The following PSMA3 variants were observed in gnomAD, a reference collection of about 807,000 sequenced individuals.
The protein encoded by PSMA3 is proteasome subunit alpha type-3.
In PSMA3, 8 loss-of-function variants were observed where a neutral mutation model predicts 40.0. The ratio of observed to expected loss-of-function variants is 0.20; its 90% CI spans 0.12 to 0.36. The LOEUF (loss-of-function observed/expected upper bound fraction) is 0.36, where lower values mean the gene tolerates loss of function less well. Ranked by LOEUF, PSMA3 falls within the 10% of genes least tolerant of loss-of-function variation. PSMA3 has a pLI of 1.00. For missense variants in PSMA3, 219 were observed against 310.6 expected, an observed-to-expected ratio of 0.70 and a Z score of 2.22; for synonymous variants, 110 against 100.0, an observed-to-expected ratio of 1.10 and a Z score of -0.59.
intron 2 of PSMA3, among the ~76,000 whole-genome samples, chr14:58,250,220 C>A (rs868846712): frequency 7.1e-4 from 66 of 92,980 alleles, no homozygotes; most frequent in Admixed American, 1.3e-3. Flanking sequence ...ACTCCATCTC[C>A]AAAAAAAAAA....
intron 3 of PSMA3, among the ~76,000 whole-genome samples, chr14:58,254,094 C>G (rs11624224): frequency 0.039 from 5,914 of 151,390 alleles, 158 homozygotes; most frequent in Non-Finnish European, 0.062. Flanking sequence ...TCTGTTGTTC[C>G]TGTCTTTGTA....
chr14:58,256,828 A>T (rs9743908), intron 3 of PSMA3, among the ~76,000 whole-genome samples: 110,292 of 151,850 alleles, frequency 0.73, 40,614 homozygotes, highest in Middle Eastern at 0.87. Flanking sequence ...AGAGAAAAGA[A>T]CAAATTTGGG....
At chr14:58,245,123 A>G (rs1889850373) in intron 1 of PSMA3, 182 bp downstream of exon 1, 1 of 697,274 alleles carries the variant, frequency 1.4e-6, no homozygotes, top group Non-Finnish European at 2.5e-6. Flanking sequence ...CCTGCGTCTC[A>G]GGTGACCGTG....
chr14:58,262,986 T>C (rs1222998837), intron 6 of PSMA3, among the ~76,000 whole-genome samples: 2 of 89,854 alleles, frequency 2.2e-5, no homozygotes, highest in Admixed American at 2.0e-4. Context: ...GTGTACATCC[T>C]TTTTTTTTTT....
intron 3 of PSMA3, among the ~76,000 whole-genome samples, chr14:58,253,461 AC>A (rs547361420): frequency 7.4e-4 from 112 of 152,366 alleles, no homozygotes; most frequent in African/African-American, 2.5e-3. Context: ...TTAATGTTAC[AC>A]ACAAACACAA....
chr14:58,268,601 AG>A (rs1890514125), intron 8 of PSMA3: 3 of 152,198 alleles, frequency 2.0e-5, no homozygotes, highest in Admixed American at 6.5e-5. Context: ...CTGCTAAGAA[AG>A]GAAGTCAGAT....
chr14:58,258,110 A>G, intron 5 of PSMA3, 112 bp downstream of exon 5: 1 of 793,334 alleles, frequency 1.3e-6, no homozygotes, highest in Non-Finnish European at 2.1e-6. Flanking sequence ...GTCGATAAGT[A>G]TTAGGGCAAT....
intron 3 of PSMA3, among the ~76,000 whole-genome samples, chr14:58,255,640 A>C (rs764977747): frequency 1.4e-4 from 22 of 152,136 alleles, no homozygotes; most frequent in Non-Finnish European, 4.4e-5. Flanking sequence ...GTGGTGGCGC[A>C]TGCCTGTACT....
intron 7 of PSMA3, 33 bp from the exon 8 acceptor site, chr14:58,267,441 T>G (rs1249298636): frequency 6.7e-7 from 1 of 1,482,724 alleles, no homozygotes; most frequent in Non-Finnish European, 8.9e-7. Context: ...AAAATGTTCT[T>G]CTGATGAACA....
chr14:58,245,082 G>A (rs1048702443), intron 1 of PSMA3, 141 bp downstream of exon 1: 3 of 1,091,424 alleles, frequency 2.7e-6, no homozygotes, highest in East Asian at 4.8e-5. Flanking sequence ...GCTGTTTGGA[G>A]ACCGGTCGTC....
chr14:58,268,640 TCATGATA>T (rs1240968626), intron 8 of PSMA3: 1 of 152,236 alleles, frequency 6.6e-6, no homozygotes, highest in East Asian at 1.9e-4. Context: ...TAGTATGTTA[TCATGATA>T]TACTCTGTTT....
At chr14:58,252,797 G>C (rs999972794) in intron 3 of PSMA3, among the ~76,000 whole-genome samples, 22 of 145,566 alleles carry the variant, frequency 1.5e-4, no homozygotes, top group Middle Eastern at 3.5e-3. Context: ...GGCAGACTTG[G>C]CTTAGTGAGA....
rs1406019603 is a variant in PSMA3 at position 58,271,922 on chromosome 14, T to C, written c.*27T>C. 6.0e-6 allele frequency: 9 copies of C among 1,508,774 alleles called. No homozygotes were observed. The highest frequency in any genetic ancestry group is 8.3e-6 in the Non-Finnish European group (9 of 1,086,146). 93.5% of individuals were successfully genotyped at this position (1,508,774 alleles called of 1,614,324 possible). A position where few individuals can be genotyped will look rare whatever the true frequency, so the allele number is the denominator to read the frequency against. On this transcript the variant is annotated 3_prime_UTR_variant, in exon 11 of 11. Coordinates refer to ENST00000216455, the MANE Select transcript of PSMA3 (RefSeq NM_002788.4). The stretch of plus-strand genomic sequence containing the variant: ...ATTTACTCCAGCATCTATTGTATTT[T>C]AAATTTCTACTCCAGTCCAATGTAA...
intron 8 of PSMA3, 138 bp from the exon 9 acceptor site, chr14:58,270,280 C>T (rs1224284237): frequency 8.2e-7 from 1 of 1,213,134 alleles, no homozygotes; most frequent in East Asian, 2.5e-5. Context: ...ATGTTAAATA[C>T]TATGTAGAAT....
chr14:58,270,299 G>T, intron 8 of PSMA3, 119 bp from the exon 9 acceptor site: 1 of 1,393,994 alleles, frequency 7.2e-7, no homozygotes, highest in African/African-American at 1.4e-5. Context: ...ATGTGTCTGT[G>T]TAATTTTATA....
intron 3 of PSMA3, among the ~76,000 whole-genome samples, chr14:58,253,325 G>T (rs1199373817): frequency 2.0e-5 from 3 of 152,104 alleles, no homozygotes; most frequent in African/African-American, 7.2e-5. Flanking sequence ...CAGATGCACA[G>T]CAAGTAAAGA....
At chr14:58,246,086 G>T (rs1417652969) in intron 1 of PSMA3, among the ~76,000 whole-genome samples, 1 of 152,196 alleles carries the variant, frequency 6.6e-6, no homozygotes, top group Admixed American at 6.5e-5. Context: ...TAGGGTTAAT[G>T]ATCTGGGTTT....
intron 1 of PSMA3, 124 bp downstream of exon 1, chr14:58,245,065 A>G: frequency 7.8e-7 from 1 of 1,274,124 alleles, no homozygotes; most frequent in Non-Finnish European, 1.1e-6. Flanking sequence ...TGGGTGGGCC[A>G]TTTGCAGCTG....
chr14:58,267,623 A>C, intron 8 of PSMA3, 103 bp downstream of exon 8: 1 of 1,312,622 alleles, frequency 7.6e-7, no homozygotes, highest in Non-Finnish European at 9.8e-7. Context: ...AAAATAACTT[A>C]GTGTATAATT....
Sources: allele counts gnomAD v4.1 joint callset (sites outside exome capture counted in the v4.1 genomes callset), GRCh38; gene constraint gnomAD v4.1.1; transcripts MANE v1.5; gene names NCBI Gene and HGNC (gene_info 2026-07-23, HGNC 2026-07-21).